The following MLXIPL variants were observed in gnomAD, a reference collection of about 807,000 sequenced individuals.
MLXIPL encodes carbohydrate-responsive element-binding protein.
A neutral mutation model predicts 81.5 loss-of-function variants in MLXIPL; 49 were observed. The ratio of observed to expected loss-of-function variants is 0.60; its 90% CI spans 0.48 to 0.76. The LOEUF is 0.76. Ranked by LOEUF, MLXIPL falls within the 30% of genes least tolerant of loss-of-function variation. MLXIPL has a pLI of 0.00. For missense variants in MLXIPL, 1,053 were observed against 1,167.0 expected (o/e 0.90, Z 1.42); for synonymous variants, 466 against 485.5 (o/e 0.96, Z 0.53).
Position 73,606,582 on chromosome 7 carries a change from T to G in MLXIPL, c.618+392A>C, listed in dbSNP as rs540668819. 5.7e-4 allele frequency: 178 copies of G among 314,682 alleles called. 1 individual carries two copies. The highest frequency in any genetic ancestry group is 5.6e-3 in the South Asian group (178 of 31,536). The allele number at this position is 314,682 out of a possible 1,614,324, so 19.5% of individuals were successfully genotyped here. The stretch of plus-strand genomic sequence containing the variant: ...CTGGGATTGCAGGCATGCGCCACTA[T>G]GCCCGGCTAATTTTTGTATTTTTAG... On this transcript the variant is annotated intron_variant, in intron 5 of 16. Transcript: ENST00000313375.
chr7:73,596,751 G>A lies in MLXIPL; in HGVS notation c.1710C>T (p.Pro570=). The A allele has an allele frequency of 1.3e-6, 2 of 1,599,416 alleles. No individual in the cohort carries two copies. Among genetic ancestry groups the A allele is most frequent in the South Asian group, 2.2e-5 (2 of 89,100 alleles). ...TVPEFPCTFL[P]PTPAPTPPRP... is the part of the protein sequence containing the mutation. ...GGGGCGGTGTAGGGGCCGGGGTCGG[G>A]GGAAGGAATGTGCAGGGGAATTCAG... The change falls in exon 11 of 17, where the codon CCC becomes CCT. Residue 570 remains proline (P), a synonymous_variant. Coordinates refer to ENST00000313375, the MANE Select transcript of MLXIPL (RefSeq NM_032951.3). This position sits in a 1 kb window ranked among gnomAD's most constrained non-coding sequence, Gnocchi z 4.7.
chr7:73,594,217 G>A (rs1468545283), intron 16 of MLXIPL, 57 bp downstream of exon 16: 4 of 1,605,476 alleles, frequency 2.5e-6, no homozygotes, highest in Non-Finnish European at 2.5e-6. Context: ...AGGGTGGAAT[G>A]CTCCCTCCAC....
intron 1 of MLXIPL, among the ~76,000 whole-genome samples, chr7:73,621,414 C>T (rs1232590777): frequency 1.3e-5 from 2 of 151,650 alleles, no homozygotes; most frequent in Non-Finnish European, 2.9e-5. Context: ...CTGGGTCAGG[C>T]TGGTCCCTGA....
At chr7:73,625,727 C>CA, upstream of MLXIPL, among the ~76,000 whole-genome samples, 1 of 152,086 alleles carries the variant, frequency 6.6e-6, no homozygotes. Flanking sequence ...CGCCCTACTG[C>CA]ACTCCACCCT....
At chr7:73,625,927 C>G (rs1364536553), upstream of MLXIPL, among the ~76,000 whole-genome samples, 1 of 152,158 alleles carries the variant, frequency 6.6e-6, no homozygotes, top group Non-Finnish European at 1.5e-5. Context: ...CCCAGGAGCT[C>G]TGAGCCCCTT....
chr7:73,624,424 C>A lies in MLXIPL; in HGVS notation c.69G>T (p.Ser23=). The A allele has an allele frequency of 1.3e-6, 2 of 1,561,930 alleles. No homozygotes were observed. Among genetic ancestry groups the A allele is most frequent in the Non-Finnish European group, 1.7e-6 (2 of 1,160,830 alleles). Residue 23 remains serine (S), a synonymous_variant, in exon 1 of 17, where the codon TCG becomes TCT. Coordinates refer to ENST00000313375, the MANE Select transcript of MLXIPL (RefSeq NM_032951.3). Reference sequence around the variant, plus strand: ...GGTCCTCCGAGTCTGTGTCCGAGTCCGAGTCTGGGCTGGGCGCGACCCGCG... The same window carrying A: ...GGTCCTCCGAGTCTGTGTCCGAGTCAGAGTCTGGGCTGGGCGCGACCCGCG... ...QVPRVAPSPD[S]DSDTDSEDPS... is the part of the protein sequence containing the mutation.
chr7:73,634,175 C>T, the MLXIPL span, among the ~76,000 whole-genome samples: 2 of 152,014 alleles, frequency 1.3e-5, no homozygotes, highest in Admixed American at 6.6e-5. Flanking sequence ...ATGACTATAT[C>T]GAAGTGAAGA....
At chr7:73,604,464 T>C (rs1242139236) in intron 7 of MLXIPL, among the ~76,000 whole-genome samples, 3 of 151,824 alleles carry the variant, frequency 2.0e-5, no homozygotes, top group African/African-American at 7.3e-5. Flanking sequence ...TCCCAGCTAC[T>C]CGGGAGGCTG....
rs1795205935 is a variant in MLXIPL at position 73,605,569 on chromosome 7, A to C, written c.901+119T>G. On this transcript the variant is annotated intron_variant, in intron 7 of 16. Coordinates refer to ENST00000313375, the MANE Select transcript of MLXIPL (RefSeq NM_032951.3). ...TCAAAATAAATAAATAAATAAAAAG[A>C]CAGAAAAAAAGAAACGACCCAGACT... 2.3e-5 allele frequency: 20 copies of C among 854,940 alleles called. No homozygotes were observed. In the South Asian group the frequency reaches 2.9e-4, roughly 12 times the overall value. The allele number at this position is 854,940 out of a possible 1,614,324, so 53.0% of individuals were successfully genotyped here. A position where few individuals can be genotyped will look rare whatever the true frequency, so the allele number is the denominator to read the frequency against.
rs375482919 is a variant in MLXIPL, at chr7:73,622,254, G to A, written c.293+1946C>T. On this transcript the variant is annotated intron_variant, in intron 1 of 16. Coordinates refer to ENST00000313375, the MANE Select transcript of MLXIPL (RefSeq NM_032951.3). ...GCCTGTAATCCCAGCACTTGGGGAGGCCAAGGCAGGTGGATCACCTGAGGT... is the reference window on the plus strand; with the variant it reads ...GCCTGTAATCCCAGCACTTGGGGAGACCAAGGCAGGTGGATCACCTGAGGT... 3.9e-4 allele frequency among the ~76,000 whole-genome samples: 60 copies of A among 152,032 alleles called. No individual in the cohort carries two copies. In the East Asian group the frequency reaches 0.011, roughly 28 times the overall value.
the MLXIPL span, among the ~76,000 whole-genome samples, chr7:73,636,857 C>T: frequency 6.6e-6 from 1 of 152,004 alleles, no homozygotes; most frequent in East Asian, 1.9e-4. Context: ...GTCAGGAGTT[C>T]GAGCCCAGCC....
chr7:73,619,267 C>T (rs1308074428), intron 1 of MLXIPL, among the ~76,000 whole-genome samples: 1 of 151,654 alleles, frequency 6.6e-6, no homozygotes, highest in Non-Finnish European at 1.5e-5. Context: ...TCGAGATCAG[C>T]CTGGCTAACA....
the MLXIPL span, among the ~76,000 whole-genome samples, chr7:73,642,417 T>C: frequency 6.6e-6 from 1 of 152,244 alleles, no homozygotes; most frequent in Non-Finnish European, 1.5e-5. Context: ...AGTAGTGCGA[T>C]CTTGGCTCAC....
At chr7:73,644,856 C>T in the MLXIPL span, among the ~76,000 whole-genome samples, 1 of 152,162 alleles carries the variant, frequency 6.6e-6, no homozygotes, top group Admixed American at 6.5e-5. Context: ...GGATAACTGG[C>T]CCCATGCCGG....
chr7:73,627,282 T>C (rs1350952214), upstream of MLXIPL, among the ~76,000 whole-genome samples: 1 of 147,660 alleles, frequency 6.8e-6, no homozygotes, highest in African/African-American at 2.6e-5. Context: ...CCAGTCTCAG[T>C]CTGTCACCCA....
chr7:73,597,725 G>T lies in MLXIPL; in HGVS notation c.1072-12C>A, dbSNP rs1794467046. Reference sequence around the variant, plus strand: ...CAGCTGTTCCGAGCCTGGTTGGGGGGACAGACAGACACTCAGAGAGCAGGG... The same window carrying T: ...CAGCTGTTCCGAGCCTGGTTGGGGGTACAGACAGACACTCAGAGAGCAGGG... On this transcript the variant is annotated splice_polypyrimidine_tract_variant and intron_variant, in intron 8 of 16. Coordinates refer to ENST00000313375, the MANE Select transcript of MLXIPL (RefSeq NM_032951.3). 2 of 1,337,206 alleles carry T rather than the reference G, an allele frequency of 1.5e-6. No individual in the cohort carries two copies. The highest frequency in any genetic ancestry group is 5.5e-5 in the East Asian group (2 of 36,536). The allele number at this position is 1,337,206 out of a possible 1,614,324, so 82.8% of individuals were successfully genotyped here. A position where few individuals can be genotyped will look rare whatever the true frequency, so the allele number is the denominator to read the frequency against.
chr7:73,634,987 T>A, the MLXIPL span, among the ~76,000 whole-genome samples: 1 of 150,562 alleles, frequency 6.6e-6, no homozygotes, highest in South Asian at 2.1e-4. Context: ...AGCTATTTTT[T>A]TTTTTTTTTT....
chr7:73,621,670 T>TCTCCCTCCATCTCCCTTC (rs1796357677), intron 1 of MLXIPL, among the ~76,000 whole-genome samples: 1 of 133,808 alleles, frequency 7.5e-6, no homozygotes, highest in Non-Finnish European at 1.7e-5. Flanking sequence ...CAACCCTCCA[T>TCTCCCTCCATCTCCCTTC]CTCCCTCCAT....
chr7:73,607,197 C>T lies in MLXIPL; in HGVS notation c.573+134G>A, dbSNP rs1554598470. The T allele has an allele frequency of 4.0e-6, 5 of 1,259,080 alleles. No individual in the cohort carries two copies. The East Asian group carries it at 1.0e-4, about 26-fold the overall frequency. 78.0% of individuals were successfully genotyped at this position (1,259,080 alleles called of 1,614,324 possible). On this transcript the variant is annotated intron_variant, in intron 4 of 16. Coordinates refer to ENST00000313375, the MANE Select transcript of MLXIPL (RefSeq NM_032951.3). Reference sequence around the variant, plus strand: ...TGGCCACACGGTGGCGCTGTCGGCCCGGGACTGAATGGAGGGCCCGAGGGG... The same window carrying T: ...TGGCCACACGGTGGCGCTGTCGGCCTGGGACTGAATGGAGGGCCCGAGGGG...
Sources: allele counts gnomAD v4.1 joint callset (sites outside exome capture counted in the v4.1 genomes callset), GRCh38; gene constraint gnomAD v4.1.1; non-coding constraint Gnocchi (gnomAD v3.1); transcripts MANE v1.5; gene names NCBI Gene and HGNC (gene_info 2026-07-23, HGNC 2026-07-21).